ZNF804B: variants seen among roughly 807,000 people sequenced by gnomAD.
The protein encoded by ZNF804B is zinc finger 804B.
A neutral mutation model predicts 101.4 loss-of-function variants in ZNF804B; 80 were observed. That is an observed-to-expected ratio of 0.79 (90% confidence interval 0.66 to 0.95). ZNF804B has a LOEUF of 0.95. Ranked by LOEUF, ZNF804B falls within the 40% of genes least tolerant of loss-of-function variation. The pLI, the probability that ZNF804B is intolerant of heterozygous loss-of-function variation, is 0.00. For missense variants in ZNF804B, 1,673 were observed against 1,561.9 expected (o/e 1.07, Z -1.20); for synonymous variants, 622 against 558.8 (o/e 1.11, Z -1.59).
At chr7:88,922,484 G>A (rs1055781807) in intron 1 of ZNF804B, among the ~76,000 whole-genome samples, 7 of 151,832 alleles carry the variant, frequency 4.6e-5, no homozygotes, top group Non-Finnish European at 7.4e-5. Context: ...AATGAAAGTT[G>A]TCTCTATAAT....
chr7:89,065,921 A>T (rs1789449345), intron 1 of ZNF804B, among the ~76,000 whole-genome samples: 1 of 152,160 alleles, frequency 6.6e-6, no homozygotes, highest in Non-Finnish European at 1.5e-5. Flanking sequence ...TGCTTAATTT[A>T]ATCACATCTG....
At chr7:88,834,536 C>T (rs7799844) in intron 1 of ZNF804B, among the ~76,000 whole-genome samples, 69,912 of 151,320 alleles carry the variant, frequency 0.46, 17,126 homozygotes, top group East Asian at 0.81. Flanking sequence ...CTTGAAGAAA[C>T]TTATGAACCC....
intron 1 of ZNF804B, among the ~76,000 whole-genome samples, chr7:88,821,157 A>T (rs1392675165): frequency 6.6e-6 from 1 of 152,102 alleles, no homozygotes; most frequent in African/African-American, 2.4e-5. Context: ...GTCAAGAATC[A>T]CCTTTTCCAT....
In ZNF804B at chr7:89,202,033, C is replaced by A. The variant is rs535449102; in HGVS notation, c.109-16122C>A. Reference sequence around the variant, plus strand: ...GTCCTTTGTATCTTATGAATTAATCCTATCCTTGCAGGTGGTCTGTGAGTT... The same window carrying A: ...GTCCTTTGTATCTTATGAATTAATCATATCCTTGCAGGTGGTCTGTGAGTT... On this transcript the variant is annotated intron_variant, in intron 1 of 3. Transcript: ENST00000333190. Among the ~76,000 whole-genome samples, 12 of 152,062 alleles carry A rather than the reference C, an allele frequency of 7.9e-5. No homozygotes were observed. The East Asian group carries it at 1.2e-3, about 15-fold the overall frequency.
intron 1 of ZNF804B, among the ~76,000 whole-genome samples, chr7:88,847,036 A>G (rs1422938567): frequency 1.3e-5 from 2 of 152,180 alleles, no homozygotes; most frequent in East Asian, 3.9e-4. Context: ...AAAGAAATGG[A>G]AAACAATCCT....
chr7:88,900,804 A>G (rs545871707), intron 1 of ZNF804B, among the ~76,000 whole-genome samples: 21 of 151,556 alleles, frequency 1.4e-4, no homozygotes, highest in Non-Finnish European at 2.1e-4. Context: ...ATAAATTACA[A>G]TGCAAAGAAG....
intron 1 of ZNF804B, among the ~76,000 whole-genome samples, chr7:89,123,157 CT>C (rs61180790): frequency 0.4 from 58,172 of 146,926 alleles, 12,325 homozygotes; most frequent in African/African-American, 0.59. Context: ...CCAAGTTCAG[CT>C]TTTTTTTTTT....
At position 89,337,890 on chromosome 7, in the gene ZNF804B, C is replaced by G. The variant is rs1791128814; in HGVS notation, c.*858C>G. Among the ~76,000 whole-genome samples, 3 of 151,986 alleles carry G rather than the reference C, an allele frequency of 2.0e-5. No homozygotes were observed. The highest frequency in any genetic ancestry group is 2.0e-4 in the Admixed American group (3 of 15,252). ...ATTATTCTTCTACTCAAAAATTTTA[C>G]TACGTTCAGCCAATACATGTATAAG... is the stretch of plus-strand genomic sequence containing the variant. On this transcript the variant is annotated 3_prime_UTR_variant, in exon 4 of 4. Coordinates refer to ENST00000333190, the MANE Select transcript of ZNF804B (RefSeq NM_181646.5).
intron 1 of ZNF804B, among the ~76,000 whole-genome samples, chr7:89,099,293 G>T (rs1790017396): frequency 6.6e-6 from 1 of 151,920 alleles, no homozygotes; most frequent in South Asian, 2.1e-4. Context: ...TTGAAAGGAT[G>T]ATCTAAGGAC....
chr7:88,944,440 A>G (rs1306944947), intron 1 of ZNF804B, among the ~76,000 whole-genome samples: 1 of 151,704 alleles, frequency 6.6e-6, no homozygotes, highest in African/African-American at 2.4e-5. Context: ...GTATTTTAAA[A>G]TTTTATAATT....
chr7:89,330,860 A>G (rs993209638), intron 3 of ZNF804B, among the ~76,000 whole-genome samples: 1 of 151,256 alleles, frequency 6.6e-6, no homozygotes, highest in African/African-American at 2.4e-5. Context: ...AAGAATGTAA[A>G]AAGAAGAAGC....
At chr7:88,861,911 A>G (rs1047000888) in intron 1 of ZNF804B, among the ~76,000 whole-genome samples, 1 of 152,164 alleles carries the variant, frequency 6.6e-6, no homozygotes, top group African/African-American at 2.4e-5. Flanking sequence ...AAGGAGATGC[A>G]GCCATGTGGG....
chr7:88,954,560 C>CCG (rs1554349343), intron 1 of ZNF804B, among the ~76,000 whole-genome samples: 1 of 151,090 alleles, frequency 6.6e-6, no homozygotes, highest in Non-Finnish European at 1.5e-5. Context: ...AACATGCCCC[C>CCG]CCCCCACCAC....
At chr7:88,917,580 A>G (rs1195175392) in intron 1 of ZNF804B, among the ~76,000 whole-genome samples, 2 of 152,190 alleles carry the variant, frequency 1.3e-5, no homozygotes, top group Admixed American at 1.3e-4. Flanking sequence ...CTATTCTTGG[A>G]ATAGAGAGGC....
intron 1 of ZNF804B, among the ~76,000 whole-genome samples, chr7:89,103,872 T>C (rs1790096386): frequency 6.6e-6 from 1 of 151,978 alleles, no homozygotes; most frequent in South Asian, 2.1e-4. Context: ...GGGTTTGAAA[T>C]ATATGGCTGT....
At chr7:89,130,220 G>T (rs1455599586) in intron 1 of ZNF804B, among the ~76,000 whole-genome samples, 1 of 151,882 alleles carries the variant, frequency 6.6e-6, no homozygotes, top group Non-Finnish European at 1.5e-5. Context: ...TATCTTGCAG[G>T]CTGTATGAGA....
intron 1 of ZNF804B, among the ~76,000 whole-genome samples, chr7:88,978,219 G>C (rs1446126533): frequency 1.3e-5 from 2 of 151,626 alleles, no homozygotes; most frequent in Admixed American, 1.3e-4. Context: ...ATTGAGTTAA[G>C]TGTTCTGTAA....
rs759076486 is a variant in ZNF804B, at chr7:89,336,448, G to C, written c.3466G>C (p.Asp1156His). 2 of 1,614,022 alleles carry C rather than the reference G, an allele frequency of 1.2e-6. No homozygotes were observed. The highest frequency in any genetic ancestry group is 1.7e-6 in the Non-Finnish European group (2 of 1,179,978). ...QPITFSPDEIDKYKILQLQAQ... is the reference protein window; with the variant it reads ...QPITFSPDEIHKYKILQLQAQ... ...CATAACATTTTCTCCTGACGAAATAGATAAATATAAGATCCTACAGCTACA... is the reference window on the plus strand; with the variant it reads ...CATAACATTTTCTCCTGACGAAATACATAAATATAAGATCCTACAGCTACA... The change falls in exon 4 of 4, where the codon GAT (aspartate) becomes CAT (histidine). Residue 1156 changes from aspartate (D) to histidine (H), a missense_variant. By Grantham distance (81) the Asp-to-His change is moderately conservative (BLOSUM62 -1). Transcript: ENST00000333190.
chr7:88,946,168 G>A (rs10228624), intron 1 of ZNF804B, among the ~76,000 whole-genome samples: 14,856 of 151,942 alleles, frequency 0.098, 979 homozygotes, highest in East Asian at 0.2. Context: ...GTCCTGTGCC[G>A]GTTTTCAAAG....
Sources: gnomAD v4.1 joint callset for allele counts (sites outside exome capture counted in the v4.1 genomes callset) on GRCh38, gnomAD v4.1.1 for gene constraint, MANE v1.5 for transcripts, NCBI Gene and HGNC (gene_info 2026-07-23, HGNC 2026-07-21) for gene names.